DYNC2LI1: variants seen among roughly 807,000 people sequenced by gnomAD.
DYNC2LI1 encodes dynein cytoplasmic 2 light intermediate chain 1.
A neutral mutation model predicts 51.9 loss-of-function variants in DYNC2LI1; 45 were observed. The observed-to-expected ratio is 0.87, with a 90% CI of 0.68 to 1.11. The LOEUF (loss-of-function observed/expected upper bound fraction) is 1.11, where lower values mean the gene tolerates loss of function less well. Ranked by LOEUF, DYNC2LI1 falls within the 50% of genes most tolerant of loss-of-function variation. The pLI is 0.00. For synonymous variants in DYNC2LI1, 130 were observed against 137.8 expected (o/e 0.94, Z 0.40); for missense variants, 490 against 417.4 (o/e 1.17, Z -1.51).
the DYNC2LI1 span, chr2:43,820,036 G>T: frequency 1.0e-4 from 162 of 1,614,148 alleles, no homozygotes; most frequent in East Asian, 2.5e-3. Context: ...CCAATTAAGT[G>T]GGGGGCCAAG....
intron 3 of DYNC2LI1, among the ~76,000 whole-genome samples, chr2:43,784,598 C>G (rs1673436126): frequency 1.3e-5 from 2 of 152,128 alleles, no homozygotes; most frequent in Non-Finnish European, 2.9e-5. Context: ...CCACGCCGAG[C>G]TAATTTTGTA....
intron 5 of DYNC2LI1, among the ~76,000 whole-genome samples, chr2:43,791,227 AAAG>A (rs1217715039): frequency 6.6e-6 from 1 of 152,100 alleles, no homozygotes; most frequent in Non-Finnish European, 1.5e-5. Context: ...TCTCTTTAAA[AAAG>A]AGAGAGAGAG....
chr2:43,790,547 T>C (rs966603287), intron 5 of DYNC2LI1, among the ~76,000 whole-genome samples: 1 of 152,048 alleles, frequency 6.6e-6, no homozygotes, highest in Non-Finnish European at 1.5e-5. Flanking sequence ...TTTGGTCTTT[T>C]TTTTTTTCCT....
chr2:43,820,159 T>C, the DYNC2LI1 span: 11 of 1,545,334 alleles, frequency 7.1e-6, no homozygotes, highest in East Asian at 1.7e-4. Flanking sequence ...AGAAAAATAC[T>C]GCACTTGCCT....
At chr2:43,792,482 T>A (rs555223087) in intron 5 of DYNC2LI1, among the ~76,000 whole-genome samples, 1 of 152,220 alleles carries the variant, frequency 6.6e-6, no homozygotes, top group African/African-American at 2.4e-5. Flanking sequence ...TTTTTAAAAA[T>A]ACTCCTAGAT....
Position 43,787,246 on chromosome 2 carries a change from A to T in DYNC2LI1, c.227A>T (p.Asn76Ile). The T allele has an allele frequency of 6.2e-7, 1 of 1,612,140 alleles. No individual in the cohort carries two copies. Among genetic ancestry groups the T allele is most frequent in the Non-Finnish European group, 8.5e-7 (1 of 1,178,696 alleles). The change falls in exon 4 of 13, where the codon AAC becomes ATC. Residue 76 changes from asparagine (N) to isoleucine (I), a missense_variant. By Grantham distance (149) the Asn-to-Ile change is moderately radical (BLOSUM62 -3). Transcript: ENST00000260605. ...TATGGAAGAAGAGCAAAAGGGCACAACACAGTAAGTGTCTTTTAAAGTGAC... is the reference window on the plus strand; with the variant it reads ...TATGGAAGAAGAGCAAAAGGGCACATCACAGTAAGTGTCTTTTAAAGTGAC... ...YTYGRRAKGHNTPKDIAHFWE... is the reference protein window; with the variant it reads ...YTYGRRAKGHITPKDIAHFWE...
chr2:43,818,316 C>T, the DYNC2LI1 span, among the ~76,000 whole-genome samples: 1 of 152,104 alleles, frequency 6.6e-6, no homozygotes, highest in Non-Finnish European at 1.5e-5. Context: ...TGGTGGCGCA[C>T]ACCTGTAATC....
chr2:43,788,105 G>A (rs1482572593), intron 4 of DYNC2LI1, among the ~76,000 whole-genome samples: 1 of 152,250 alleles, frequency 6.6e-6, no homozygotes, highest in African/African-American at 2.4e-5. Context: ...GCCTAGAAAT[G>A]TAATTATGCT....
chr2:43,799,168 G>A (rs149308566), intron 8 of DYNC2LI1, among the ~76,000 whole-genome samples: 2 of 152,186 alleles, frequency 1.3e-5, no homozygotes, highest in South Asian at 4.1e-4. Context: ...AGTCATCATA[G>A]TGCATGCCTG....
the DYNC2LI1 span, among the ~76,000 whole-genome samples, chr2:43,815,076 C>T: frequency 1.3e-5 from 2 of 152,080 alleles, no homozygotes; most frequent in Non-Finnish European, 2.9e-5. Context: ...TAACACATAC[C>T]AATTGGAGGA....
chr2:43,801,581 A>G (rs1245551656), intron 9 of DYNC2LI1, 58 bp from the exon 10 acceptor site: 2 of 1,269,372 alleles, frequency 1.6e-6, no homozygotes, highest in African/African-American at 2.9e-5. Flanking sequence ...TTTACAGGAG[A>G]GCGTGGCAGC....
At chr2:43,826,277 A>C in the DYNC2LI1 span, 1 of 1,548,308 alleles carries the variant, frequency 6.5e-7, no homozygotes, top group Non-Finnish European at 8.8e-7. Context: ...TGGAATTACA[A>C]GTGTGAGCCA....
intron 1 of DYNC2LI1, among the ~76,000 whole-genome samples, chr2:43,774,555 T>C (rs915409924): frequency 6.6e-6 from 1 of 152,110 alleles, no homozygotes; most frequent in Non-Finnish European, 1.5e-5. Flanking sequence ...AAGTATAACA[T>C]CACTTTTAAG....
At chr2:43,786,634 C>A (rs956924289) in intron 3 of DYNC2LI1, among the ~76,000 whole-genome samples, 1 of 152,106 alleles carries the variant, frequency 6.6e-6, no homozygotes, top group African/African-American at 2.4e-5. Context: ...ACCATCCTGG[C>A]TAACGTAGTG....
At chr2:43,818,523 T>C in the DYNC2LI1 span, among the ~76,000 whole-genome samples, 4 of 152,190 alleles carry the variant, frequency 2.6e-5, no homozygotes, top group Non-Finnish European at 5.9e-5. Context: ...TCGGGGATCA[T>C]CTGTACATGA....
intron 4 of DYNC2LI1, among the ~76,000 whole-genome samples, chr2:43,789,077 G>T (rs1194155607): frequency 6.6e-6 from 1 of 152,196 alleles, no homozygotes; most frequent in South Asian, 2.1e-4. Context: ...TAGCCTGTCA[G>T]ATTCTCCACA....
Position 43,783,526 on chromosome 2 carries a change from A to T in DYNC2LI1, c.133A>T (p.Thr45Ser), listed in dbSNP as rs1572698552. 1 of 1,532,092 alleles carries T rather than the reference A, an allele frequency of 6.5e-7. No homozygotes were observed. Among genetic ancestry groups the T allele is most frequent in the Non-Finnish European group, 8.7e-7 (1 of 1,145,180 alleles). The allele number at this position is 1,532,092 out of a possible 1,614,324, so 94.9% of individuals were successfully genotyped here. Residue 45 changes from threonine to serine, a missense_variant, in exon 3 of 13, where the codon ACT becomes TCT. Transcript: ENST00000260605. ...FFIGSKNGGKTTIILRCLDRD... is the reference protein window; with the variant it reads ...FFIGSKNGGKSTIILRCLDRD... ...CTTCTTTTTTAATTTCCAGGGAAAG[A>T]CTACTATTATTCTAAGGTGTCTTGA...
chr2:43,786,583 C>T (rs1012114981), intron 3 of DYNC2LI1, among the ~76,000 whole-genome samples: 1 of 152,068 alleles, frequency 6.6e-6, no homozygotes, highest in African/African-American at 2.4e-5. Context: ...GGGCGGATCA[C>T]GAGGTCAGGA....
At chr2:43,827,246 A>G in the DYNC2LI1 span, among the ~76,000 whole-genome samples, 1 of 151,562 alleles carries the variant, frequency 6.6e-6, no homozygotes, top group African/African-American at 2.4e-5. Flanking sequence ...AATCGCTTCA[A>G]CCTGGGAGGT....
Sources: gnomAD v4.1 joint callset for allele counts (sites outside exome capture counted in the v4.1 genomes callset) on GRCh38, gnomAD v4.1.1 for gene constraint, MANE v1.5 for transcripts, NCBI Gene and HGNC (gene_info 2026-07-23, HGNC 2026-07-21) for gene names.